Variants in GRM5 observed in about 807,000 individuals in gnomAD.
GRM5 encodes metabotropic glutamate receptor 5.
In GRM5, 19 loss-of-function variants were observed where a neutral mutation model predicts 83.1. That is an observed-to-expected ratio of 0.23 (90% CI 0.16 to 0.34). The LOEUF is 0.34. GRM5 is among the 10% of genes least tolerant of loss of function. GRM5 has a pLI of 1.00. For synonymous variants in GRM5, 675 were observed against 633.6 expected, an observed-to-expected ratio of 1.07 and a Z score of -0.98; for missense variants, 1,160 against 1,588.3, an observed-to-expected ratio of 0.73 and a Z score of 4.58.
At chr11:88,524,738 G>A (rs1261224053) in intron 9 of GRM5, among the ~76,000 whole-genome samples, 9 of 152,172 alleles carry the variant, frequency 5.9e-5, no homozygotes, top group Admixed American at 5.9e-4. Flanking sequence ...AGCTAGAGGA[G>A]GATTAGCTTT....
chr11:88,813,783 G>A (rs905425913), intron 3 of GRM5, among the ~76,000 whole-genome samples: 2 of 152,024 alleles, frequency 1.3e-5, no homozygotes, highest in African/African-American at 4.8e-5. Flanking sequence ...ATAAAATGTT[G>A]AATCATCTGG....
At position 88,929,851 on chromosome 11, in the gene GRM5, T is replaced by C. The variant is rs376799655; in HGVS notation, c.662-79696A>G. Among the ~76,000 whole-genome samples, 4 of 152,308 alleles carry C rather than the reference T, an allele frequency of 2.6e-5. 1 individual carries two copies. The highest frequency in any genetic ancestry group is 9.6e-5 in the African/African-American group (4 of 41,590). On this transcript the variant is annotated intron_variant, in intron 2 of 9. Coordinates refer to ENST00000305447, the MANE Select transcript of GRM5 (RefSeq NM_001143831.3). ...ACTGAATCACTATATGCATAAGTGA[T>C]ACATGTTTTATTCTCAAACACTTGG...
intron 2 of GRM5, among the ~76,000 whole-genome samples, chr11:89,002,146 A>T (rs1456035203): frequency 6.6e-6 from 1 of 152,172 alleles, no homozygotes. Context: ...TTTAAGTTTA[A>T]CTATTTTTGG....
At chr11:88,929,623 G>C (rs940240595) in intron 2 of GRM5, among the ~76,000 whole-genome samples, 1 of 151,882 alleles carries the variant, frequency 6.6e-6, no homozygotes, top group Non-Finnish European at 1.5e-5. Context: ...ATTATTCAAA[G>C]GTATTTTATT....
At chr11:88,694,553 ATTT>A (rs5793343) in intron 3 of GRM5, among the ~76,000 whole-genome samples, 1 of 147,844 alleles carries the variant, frequency 6.8e-6, no homozygotes, top group East Asian at 2.0e-4. Context: ...TTAGAGAACT[ATTT>A]TTTTTTTTTT....
At chr11:89,021,670 G>A (rs941497236) in intron 2 of GRM5, among the ~76,000 whole-genome samples, 18 of 152,098 alleles carry the variant, frequency 1.2e-4, no homozygotes, top group Admixed American at 3.9e-4. Context: ...GAAGATGAAC[G>A]GTAGAGCTAA....
At chr11:88,693,704 C>T (rs190469902) in intron 3 of GRM5, among the ~76,000 whole-genome samples, 46 of 152,112 alleles carry the variant, frequency 3.0e-4, no homozygotes, top group African/African-American at 1.1e-3. Flanking sequence ...AATTTTCAGT[C>T]CCTAAGGAAA....
intron 2 of GRM5, among the ~76,000 whole-genome samples, chr11:88,854,761 A>G (rs942569153): frequency 8.6e-5 from 13 of 151,998 alleles, no homozygotes; most frequent in Non-Finnish European, 1.2e-4. Flanking sequence ...AAACCTGCAC[A>G]TGAACACCCT....
At chr11:89,063,922 T>C (rs966705761) in intron 1 of GRM5, among the ~76,000 whole-genome samples, 4 of 152,150 alleles carry the variant, frequency 2.6e-5, no homozygotes, top group African/African-American at 9.7e-5. Context: ...TTTACCGTCA[T>C]ATCTCAGCAC....
At chr11:89,043,574 T>A (rs72954989) in intron 2 of GRM5, among the ~76,000 whole-genome samples, 12 of 86,894 alleles carry the variant, frequency 1.4e-4, no homozygotes, top group African/African-American at 3.2e-4. Context: ...ATGCATGTTA[T>A]TTTTTTTTTT....
chr11:89,003,204 T>C (rs1235958099), intron 2 of GRM5, among the ~76,000 whole-genome samples: 1 of 152,170 alleles, frequency 6.6e-6, no homozygotes, highest in Non-Finnish European at 1.5e-5. Flanking sequence ...ACCCTTGCTC[T>C]CACAGGTCTC....
At chr11:88,779,331 A>G (rs566188401) in intron 3 of GRM5, among the ~76,000 whole-genome samples, 1 of 152,290 alleles carries the variant, frequency 6.6e-6, no homozygotes, top group African/African-American at 2.4e-5. Flanking sequence ...GGCAGAACCT[A>G]GCATGGTAAT....
intron 4 of GRM5, among the ~76,000 whole-genome samples, chr11:88,615,388 C>T (rs188187766): frequency 2.0e-3 from 301 of 152,236 alleles, no homozygotes; most frequent in African/African-American, 6.9e-3. Flanking sequence ...AGAAAGACAT[C>T]ATGATTTGTT....
intron 4 of GRM5, among the ~76,000 whole-genome samples, chr11:88,650,215 A>G (rs1001946631): frequency 6.6e-6 from 1 of 151,946 alleles, no homozygotes; most frequent in Non-Finnish European, 1.5e-5. Flanking sequence ...TAAATAACAA[A>G]TTGGACAAAA....
chr11:88,742,737 C>T (rs117354948), intron 3 of GRM5, among the ~76,000 whole-genome samples: 107 of 152,182 alleles, frequency 7.0e-4, no homozygotes, highest in Middle Eastern at 3.4e-3. Context: ...TTTGTCCTTA[C>T]CTCAGGCTTT....
intron 3 of GRM5, among the ~76,000 whole-genome samples, chr11:88,729,674 A>C (rs2135404991): frequency 6.6e-6 from 1 of 152,336 alleles, no homozygotes; most frequent in African/African-American, 2.4e-5. Flanking sequence ...GTACCAAAAC[A>C]GATAAATAGA....
chr11:88,987,416 G>C (rs1013561601), intron 2 of GRM5, among the ~76,000 whole-genome samples: 3 of 151,914 alleles, frequency 2.0e-5, no homozygotes, highest in Admixed American at 6.6e-5. Flanking sequence ...ACTGCAAGGC[G>C]GCAGCGAGGT....
intron 5 of GRM5, among the ~76,000 whole-genome samples, chr11:88,597,569 G>A (rs1179753461): frequency 6.6e-6 from 1 of 152,048 alleles, no homozygotes; most frequent in African/African-American, 2.4e-5. Flanking sequence ...GAAATAGAAA[G>A]TAATCCCATG....
chr11:88,983,074 A>ACATACACACACACACAC, intron 2 of GRM5, among the ~76,000 whole-genome samples: 1 of 152,164 alleles, frequency 6.6e-6, no homozygotes, highest in African/African-American at 2.4e-5. Context: ...CACACACACA[A>ACATACACACACACACAC]ACACAAAATT....
Sources: gnomAD v4.1 joint callset for allele counts (sites outside exome capture counted in the v4.1 genomes callset) on GRCh38, gnomAD v4.1.1 for gene constraint, MANE v1.5 for transcripts, NCBI Gene and HGNC (gene_info 2026-07-23, HGNC 2026-07-21) for gene names.